The following TENM4 variants were observed in gnomAD, a reference collection of about 807,000 sequenced individuals.
TENM4 encodes teneurin-4.
A neutral mutation model predicts 243.3 loss-of-function variants in TENM4; 82 were observed. The observed-to-expected ratio is 0.34, with a 90% CI of 0.28 to 0.40. The LOEUF (loss-of-function observed/expected upper bound fraction) is 0.40, where lower values mean the gene tolerates loss of function less well. Among genes scored for constraint, TENM4 ranks in the 10% least tolerant of loss-of-function variants. The probability of loss-of-function intolerance (pLI) is 1.00; values close to 1 mark genes in which losing one functional copy is unlikely to be tolerated. For missense variants in TENM4, 3,138 were observed against 3,673.3 expected (o/e 0.85, Z 3.77); for synonymous variants, 1,412 against 1,456.3 (o/e 0.97, Z 0.69).
intron 32 of TENM4, among the ~76,000 whole-genome samples, chr11:78,665,327 A>G (rs1858132162): frequency 6.8e-6 from 1 of 147,898 alleles, no homozygotes; most frequent in South Asian, 2.1e-4. Context: ...GCTGGAGTGC[A>G]GTGGCATGAT....
chr11:79,344,697 C>T (rs1229772848), intron 1 of TENM4, among the ~76,000 whole-genome samples: 1 of 152,158 alleles, frequency 6.6e-6, no homozygotes, highest in Non-Finnish European at 1.5e-5. Context: ...TCCAGAATGA[C>T]AATATTTCAT....
intron 4 of TENM4, among the ~76,000 whole-genome samples, chr11:79,081,883 C>T (rs1334660390): frequency 4.6e-5 from 7 of 152,092 alleles, no homozygotes; most frequent in African/African-American, 7.2e-5. Context: ...CACACAATAG[C>T]GGTTTGAAAG....
chr11:79,147,631 A>T (rs1862418425), intron 4 of TENM4, among the ~76,000 whole-genome samples: 1 of 152,082 alleles, frequency 6.6e-6, no homozygotes, highest in Admixed American at 6.6e-5. Flanking sequence ...AAAGGTAAGT[A>T]GTTCTGCCAT....
chr11:78,814,416 G>C (rs989504148), intron 12 of TENM4, 21 bp from the exon 13 acceptor site: 2 of 1,545,188 alleles, frequency 1.3e-6, no homozygotes, highest in Non-Finnish European at 1.7e-6. Context: ...AAAGGAGAAG[G>C]AGAGTTGAAA....
intron 28 of TENM4, among the ~76,000 whole-genome samples, chr11:78,693,109 A>G (rs1858866750): frequency 6.6e-6 from 1 of 152,232 alleles, no homozygotes; most frequent in Non-Finnish European, 1.5e-5. Context: ...TAATGAATAA[A>G]TATATAAGTA....
At chr11:79,126,075 G>C (rs1456370550) in intron 4 of TENM4, among the ~76,000 whole-genome samples, 3 of 152,204 alleles carry the variant, frequency 2.0e-5, no homozygotes, top group Non-Finnish European at 4.4e-5. Flanking sequence ...TAATGTTGCA[G>C]CTTGGAGAAT....
At chr11:78,720,479 A>G in intron 24 of TENM4, 89 bp from the exon 25 acceptor site, 1 of 1,341,428 alleles carries the variant, frequency 7.5e-7, no homozygotes. Flanking sequence ...TGAAAACTTG[A>G]CAGCAATGGT....
At chr11:79,026,550 G>A (rs7125656) in intron 6 of TENM4, among the ~76,000 whole-genome samples, 8,047 of 152,238 alleles carry the variant, frequency 0.053, 491 homozygotes, top group African/African-American at 0.15. Context: ...GAGATCAGAC[G>A]TCCTAGAACC....
At chr11:79,081,847 T>C (rs928385063) in intron 4 of TENM4, among the ~76,000 whole-genome samples, 1 of 152,030 alleles carries the variant, frequency 6.6e-6, no homozygotes, top group Non-Finnish European at 1.5e-5. Flanking sequence ...ACTCAGGCCG[T>C]CCCTCAACTC....
intron 1 of TENM4, among the ~76,000 whole-genome samples, chr11:79,357,053 T>A (rs1362555372): frequency 6.6e-6 from 1 of 152,178 alleles, no homozygotes; most frequent in Non-Finnish European, 1.5e-5. Context: ...CCTCTTCTCT[T>A]CTTTCACTCT....
intron 6 of TENM4, among the ~76,000 whole-genome samples, chr11:79,045,266 G>A (rs1365452504): frequency 6.6e-6 from 1 of 152,132 alleles, no homozygotes; most frequent in Non-Finnish European, 1.5e-5. Context: ...GTAGATGCAC[G>A]GTCACAGCTC....
chr11:79,203,480 A>G (rs2135195807), intron 3 of TENM4, among the ~76,000 whole-genome samples: 1 of 152,350 alleles, frequency 6.6e-6, no homozygotes, highest in Middle Eastern at 3.4e-3. Context: ...GATGCCTGAA[A>G]TTAAGGATAG....
intron 6 of TENM4, among the ~76,000 whole-genome samples, chr11:78,960,097 G>A (rs1210870702): frequency 6.6e-6 from 1 of 152,082 alleles, no homozygotes; most frequent in Non-Finnish European, 1.5e-5. Context: ...GATTTGCCAA[G>A]GATAAATAGC....
At chr11:79,395,291 A>G (rs1858319877) in intron 1 of TENM4, among the ~76,000 whole-genome samples, 1 of 152,168 alleles carries the variant, frequency 6.6e-6, no homozygotes, top group Non-Finnish European at 1.5e-5. Context: ...ATAGGTACCA[A>G]CCATCGTTAT....
intron 15 of TENM4, among the ~76,000 whole-genome samples, chr11:78,799,467 T>A (rs567974815): frequency 6.6e-4 from 100 of 152,372 alleles, no homozygotes; most frequent in African/African-American, 2.2e-3. Flanking sequence ...AAGGACTGTT[T>A]GGATAACTTA....
intron 1 of TENM4, among the ~76,000 whole-genome samples, chr11:79,358,949 C>CCT (rs1857543868): frequency 8.6e-6 from 1 of 116,176 alleles, no homozygotes; most frequent in South Asian, 2.5e-4. Context: ...AGTAAAAAGG[C>CCT]ATTTTTTTTT....
chr11:78,836,849 C>T (rs1387013997), intron 12 of TENM4, among the ~76,000 whole-genome samples: 1 of 152,064 alleles, frequency 6.6e-6, no homozygotes, highest in Non-Finnish European at 1.5e-5. Flanking sequence ...CAAAAGCAAA[C>T]AACATTGGAA....
chr11:79,201,846 G>T (rs1863744663), intron 3 of TENM4, among the ~76,000 whole-genome samples: 1 of 152,164 alleles, frequency 6.6e-6, no homozygotes, highest in Non-Finnish European at 1.5e-5. Flanking sequence ...GTGGGCTGGG[G>T]AATGAGTCAT....
intron 18 of TENM4, among the ~76,000 whole-genome samples, chr11:78,763,286 G>A (rs1291524447): frequency 1.3e-5 from 2 of 152,164 alleles, no homozygotes. Flanking sequence ...AGAGGCAGAA[G>A]AAAATGTCAA....
Sources: allele counts gnomAD v4.1 joint callset (sites outside exome capture counted in the v4.1 genomes callset), GRCh38; gene constraint gnomAD v4.1.1; transcripts MANE v1.5; gene names NCBI Gene and HGNC (gene_info 2026-07-23, HGNC 2026-07-21).